CAST: variants seen among roughly 807,000 people sequenced by gnomAD.
The protein encoded by CAST is MIR583 host.
CAST carries 76 observed loss-of-function variants against 119.6 expected under a neutral mutation model. The observed-to-expected ratio is 0.64, with a 90% CI of 0.53 to 0.77. The LOEUF is 0.77. Among genes scored for constraint, CAST ranks in the 30% least tolerant of loss-of-function variants. The pLI is 0.00. For missense variants in CAST, 953 were observed against 946.5 expected (o/e 1.01, Z -0.09); for synonymous variants, 319 against 331.6 (o/e 0.96, Z 0.41).
At chr5:96,012,994 G>T in the CAST span, among the ~76,000 whole-genome samples, 7 of 152,132 alleles carry the variant, frequency 4.6e-5, no homozygotes, top group Non-Finnish European at 1.0e-4. Flanking sequence ...TCTCTCAGTT[G>T]AGCCTAACTT....
chr5:96,174,680 C>T, the CAST span, among the ~76,000 whole-genome samples: 7 of 152,294 alleles, frequency 4.6e-5, no homozygotes, highest in African/African-American at 1.7e-4. Context: ...CTCTCTCTTT[C>T]TAGCTTCTGG....
At chr5:96,723,197 C>T (rs151829) in intron 4 of CAST, among the ~76,000 whole-genome samples, 75,922 of 151,806 alleles carry the variant, frequency 0.5, 19,134 homozygotes, top group Non-Finnish European at 0.54. Flanking sequence ...ATTCCTGGGC[C>T]GAAGCAGTCC....
chr5:96,302,974 A>G, the CAST span, among the ~76,000 whole-genome samples: 1 of 152,190 alleles, frequency 6.6e-6, no homozygotes, highest in South Asian at 2.1e-4. Context: ...CTTCTCCAGT[A>G]CCAATTTTCT....
At chr5:96,658,794 ATATTCAAAGTGATTAAG>A (rs2150206257), upstream of CAST, among the ~76,000 whole-genome samples, 1 of 152,330 alleles carries the variant, frequency 6.6e-6, no homozygotes, top group Non-Finnish European at 1.5e-5. Flanking sequence ...TAGGGAACTG[ATATTCAAAGTGATTAAG>A]TAATTTGCTT....
the CAST span, among the ~76,000 whole-genome samples, chr5:96,488,595 CT>C: frequency 6.6e-6 from 1 of 152,120 alleles, no homozygotes; most frequent in African/African-American, 2.4e-5. Flanking sequence ...TCTTGAGAAG[CT>C]TCCAGATAGT....
At chr5:96,550,141 G>T (rs1336712606) in intron 1 of CAST, among the ~76,000 whole-genome samples, 1 of 152,222 alleles carries the variant, frequency 6.6e-6, no homozygotes, top group Non-Finnish European at 1.5e-5. Context: ...CTGACTGGGA[G>T]ACACCTCCCA....
At chr5:96,379,102 A>C in the CAST span, among the ~76,000 whole-genome samples, 7 of 152,142 alleles carry the variant, frequency 4.6e-5, no homozygotes, top group African/African-American at 7.2e-5. Context: ...ATTTTCTCAG[A>C]ATGGGATTAT....
chr5:96,290,539 A>G, the CAST span, among the ~76,000 whole-genome samples: 66,185 of 151,954 alleles, frequency 0.44, 14,996 homozygotes, highest in Admixed American at 0.55. Context: ...TTATTTCTTG[A>G]GTCTAAGCAG....
the CAST span, among the ~76,000 whole-genome samples, chr5:96,099,665 A>C: frequency 6.6e-6 from 1 of 152,222 alleles, no homozygotes; most frequent in South Asian, 2.1e-4. Flanking sequence ...TTGCATCCCA[A>C]GGATGAAGCC....
At chr5:96,701,755 A>C (rs554902862) in intron 3 of CAST, among the ~76,000 whole-genome samples, 1 of 151,580 alleles carries the variant, frequency 6.6e-6, no homozygotes, top group Non-Finnish European at 1.5e-5. Flanking sequence ...CAGTGAGCTG[A>C]GATCACGTGA....
intron 1 of CAST, among the ~76,000 whole-genome samples, chr5:96,561,861 C>T (rs1484282705): frequency 3.3e-5 from 4 of 122,412 alleles, no homozygotes; most frequent in Admixed American, 2.9e-4. Context: ...GGCGCGATCT[C>T]GGCTCACTGC....
At chr5:96,592,900 G>A in intron 1 of CAST, among the ~76,000 whole-genome samples, 1 of 152,094 alleles carries the variant, frequency 6.6e-6, no homozygotes, top group Non-Finnish European at 1.5e-5. Flanking sequence ...AAGTAGCTGG[G>A]ACTACAGGCG....
At chr5:96,460,371 C>A in the CAST span, among the ~76,000 whole-genome samples, 2 of 151,942 alleles carry the variant, frequency 1.3e-5, no homozygotes, top group South Asian at 2.1e-4. Flanking sequence ...AACACTGGGG[C>A]CTGTCAGGTG....
At chr5:96,767,014 G>A (rs1000968500) in intron 27 of CAST, among the ~76,000 whole-genome samples, 3 of 152,126 alleles carry the variant, frequency 2.0e-5, no homozygotes, top group Non-Finnish European at 2.9e-5. Flanking sequence ...CCCTGCTTGC[G>A]TTCTTTGGGA....
chr5:96,420,737 AAGGG>A, the CAST span, among the ~76,000 whole-genome samples: 259 of 138,324 alleles, frequency 1.9e-3, 1 homozygote, highest in African/African-American at 4.5e-3. Context: ...GAGAATAAGG[AAGGG>A]AGGGAGGGAG....
At chr5:96,477,587 C>T in the CAST span, among the ~76,000 whole-genome samples, 1 of 152,188 alleles carries the variant, frequency 6.6e-6, no homozygotes, top group Non-Finnish European at 1.5e-5. Context: ...GTCCAGTACT[C>T]CTAGGACATT....
At chr5:96,269,061 C>T in the CAST span, among the ~76,000 whole-genome samples, 1 of 152,142 alleles carries the variant, frequency 6.6e-6, no homozygotes, top group Non-Finnish European at 1.5e-5. Flanking sequence ...TTATAAATTT[C>T]CTGAGGCCCC....
At chr5:96,038,027 G>A in the CAST span, among the ~76,000 whole-genome samples, 1 of 152,116 alleles carries the variant, frequency 6.6e-6, no homozygotes. Context: ...GTTTCCTCCA[G>A]AGTGAGAATT....
the CAST span, among the ~76,000 whole-genome samples, chr5:96,469,349 A>G: frequency 6.6e-6 from 1 of 152,024 alleles, no homozygotes; most frequent in Non-Finnish European, 1.5e-5. Context: ...GAATATGATT[A>G]TGTTTTGTTC....
Sources: allele counts gnomAD v4.1 joint callset (sites outside exome capture counted in the v4.1 genomes callset), GRCh38; gene constraint gnomAD v4.1.1; transcripts MANE v1.5; gene names NCBI Gene and HGNC (gene_info 2026-07-23, HGNC 2026-07-21).